NEGR1: variants seen among roughly 807,000 people sequenced by gnomAD.
NEGR1 encodes the protein IgLON family member 4.
A neutral mutation model predicts 40.9 loss-of-function variants in NEGR1; 10 were observed. That is an observed-to-expected ratio of 0.24 (90% CI 0.15 to 0.42). The LOEUF is 0.42. Among genes scored for constraint, NEGR1 ranks in the 10% least tolerant of loss-of-function variants. The probability of loss-of-function intolerance (pLI) is 1.00; values close to 1 mark genes in which losing one functional copy is unlikely to be tolerated. For synonymous variants in NEGR1, 185 were observed against 166.8 expected (o/e 1.11, Z -0.84); for missense variants, 352 against 438.9 (o/e 0.80, Z 1.77).
chr1:72,028,752 A>G (rs1389801865), intron 1 of NEGR1, among the ~76,000 whole-genome samples: 5 of 152,174 alleles, frequency 3.3e-5, no homozygotes, highest in Non-Finnish European at 7.3e-5. Context: ...CTTCAAATAA[A>G]CTTTACCACT....
chr1:71,681,819 T>G (rs796700471), intron 4 of NEGR1, among the ~76,000 whole-genome samples: 12 of 152,296 alleles, frequency 7.9e-5, no homozygotes, highest in African/African-American at 2.6e-4. Context: ...TTGGTTTCTC[T>G]GGCTAGCATT....
intron 1 of NEGR1, among the ~76,000 whole-genome samples, chr1:72,175,587 G>T (rs535406408): frequency 6.6e-6 from 1 of 152,112 alleles, no homozygotes; most frequent in East Asian, 1.9e-4. Flanking sequence ...CTAGGAAACA[G>T]TTCCATTAGT....
intron 1 of NEGR1, among the ~76,000 whole-genome samples, chr1:72,108,568 G>C (rs900216781): frequency 1.3e-5 from 2 of 151,374 alleles, no homozygotes; most frequent in Admixed American, 6.6e-5. Flanking sequence ...ATATATCATT[G>C]CAATGGCATA....
intron 6 of NEGR1, among the ~76,000 whole-genome samples, chr1:71,453,121 C>G (rs1224213805): frequency 6.6e-6 from 1 of 152,092 alleles, no homozygotes; most frequent in African/African-American, 2.4e-5. Flanking sequence ...TTTGAAAGTA[C>G]AGAAATGCAG....
Position 71,466,658 on chromosome 1 carries a change from A to C in NEGR1, c.941-59088T>G, listed in dbSNP as rs535552708. ...GTGGTATTTGGATAAAGAATGCTGC[A>C]AGCAGAGAGAGTGTGAAGCACTGAG... On this transcript the variant is annotated intron_variant, in intron 6 of 6. Coordinates refer to ENST00000357731, the MANE Select transcript of NEGR1 (RefSeq NM_173808.3). 5.2e-4 allele frequency among the ~76,000 whole-genome samples: 79 copies of C among 152,228 alleles called. 1 individual carries two copies. In the South Asian group the frequency reaches 0.016, roughly 30 times the overall value.
chr1:71,495,496 A>G (rs928558767), intron 6 of NEGR1, among the ~76,000 whole-genome samples: 3 of 151,886 alleles, frequency 2.0e-5, no homozygotes, highest in Admixed American at 2.0e-4. Flanking sequence ...AAAAAAAAGA[A>G]AACAAGAAAA....
chr1:72,014,088 G>GA (rs565725971), intron 1 of NEGR1, among the ~76,000 whole-genome samples: 14 of 144,346 alleles, frequency 9.7e-5, no homozygotes, highest in Non-Finnish European at 1.5e-4. Flanking sequence ...GAAGGTTAAA[G>GA]AAAAAAAAAG....
chr1:71,672,901 G>C (rs1390299821), intron 4 of NEGR1, among the ~76,000 whole-genome samples: 3 of 152,116 alleles, frequency 2.0e-5, no homozygotes, highest in Non-Finnish European at 2.9e-5. Flanking sequence ...GCGGGATGTT[G>C]AGGACATTGT....
At chr1:71,508,760 G>A (rs1237384566) in intron 6 of NEGR1, among the ~76,000 whole-genome samples, 1 of 152,140 alleles carries the variant, frequency 6.6e-6, no homozygotes, top group Non-Finnish European at 1.5e-5. Flanking sequence ...CTCCAAGCTG[G>A]AGACCCTTAA....
At chr1:71,663,824 G>C (rs1652149456) in intron 4 of NEGR1, among the ~76,000 whole-genome samples, 1 of 152,210 alleles carries the variant, frequency 6.6e-6, no homozygotes, top group Admixed American at 6.5e-5. Flanking sequence ...GACTAGGTTT[G>C]TGAATTTGGG....
intron 1 of NEGR1, among the ~76,000 whole-genome samples, chr1:71,979,950 T>C (rs1381115252): frequency 1.3e-5 from 2 of 152,116 alleles, no homozygotes; most frequent in African/African-American, 4.8e-5. Context: ...GGATAAAACA[T>C]TATAGTGATA....
intron 1 of NEGR1, among the ~76,000 whole-genome samples, chr1:72,262,771 A>G (rs1655502352): frequency 6.6e-6 from 1 of 151,988 alleles, no homozygotes; most frequent in Non-Finnish European, 1.5e-5. Context: ...TATTCGCAAC[A>G]GCATATAATG....
chr1:72,262,269 T>C (rs767587989), intron 1 of NEGR1, among the ~76,000 whole-genome samples: 1 of 152,068 alleles, frequency 6.6e-6, no homozygotes, highest in Non-Finnish European at 1.5e-5. Flanking sequence ...ATGATTTCTA[T>C]AAAGGGAGTG....
At chr1:71,695,043 C>A (rs553298389) in intron 4 of NEGR1, among the ~76,000 whole-genome samples, 128 of 151,870 alleles carry the variant, frequency 8.4e-4, no homozygotes, top group Middle Eastern at 6.8e-3. Flanking sequence ...TAGGCTTTGG[C>A]TAATTTCCTC....
chr1:72,126,852 C>T (rs1245190346), intron 1 of NEGR1, among the ~76,000 whole-genome samples: 1 of 152,308 alleles, frequency 6.6e-6, no homozygotes, highest in East Asian at 1.9e-4. Flanking sequence ...GTAGGTTTGT[C>T]TCATAACTGA....
intron 1 of NEGR1, among the ~76,000 whole-genome samples, chr1:71,952,463 T>C (rs1431101045): frequency 6.6e-6 from 1 of 151,934 alleles, no homozygotes; most frequent in Non-Finnish European, 1.5e-5. Context: ...GTGAGGAAGC[T>C]ACAGAAGAAA....
intron 3 of NEGR1, among the ~76,000 whole-genome samples, chr1:71,754,526 T>G (rs6686704): frequency 0.5 from 75,392 of 151,784 alleles, 19,037 homozygotes; most frequent in East Asian, 0.77. Context: ...AGATACATGG[T>G]GTTGCCATAC....
intron 3 of NEGR1, among the ~76,000 whole-genome samples, chr1:71,766,657 C>T (rs1656143365): frequency 6.6e-6 from 1 of 152,164 alleles, no homozygotes; most frequent in African/African-American, 2.4e-5. Flanking sequence ...TTTCAACATG[C>T]TTCTAGATTT....
intron 6 of NEGR1, chr1:71,476,862 T>G (rs1215333459): frequency 6.6e-6 from 1 of 152,124 alleles, no homozygotes; most frequent in Non-Finnish European, 1.5e-5. Context: ...ACTGTTTAGC[T>G]GCAATAAAGC....
Sources: gnomAD v4.1 joint callset for allele counts (sites outside exome capture counted in the v4.1 genomes callset) on GRCh38, gnomAD v4.1.1 for gene constraint, MANE v1.5 for transcripts, NCBI Gene and HGNC (gene_info 2026-07-23, HGNC 2026-07-21) for gene names.